FBXO38: variants seen among roughly 807,000 people sequenced by gnomAD.
FBXO38 encodes F-box protein 38, also known as F-box only protein 38.
Under a neutral mutation model 131.9 loss-of-function variants are expected in FBXO38, and 53 were observed. That is an observed-to-expected ratio of 0.40 (90% CI 0.32 to 0.51). The LOEUF is 0.51. FBXO38 is among the 20% of genes least tolerant of loss of function. The pLI, the probability that FBXO38 is intolerant of heterozygous loss-of-function variation, is 0.53. For missense variants in FBXO38, 1,076 were observed against 1,475.6 expected (o/e 0.73, Z 4.44); for synonymous variants, 452 against 505.6 (o/e 0.89, Z 1.42).
chr5:148,418,131 G>A (rs1753170477), intron 12 of FBXO38, among the ~76,000 whole-genome samples: 1 of 152,122 alleles, frequency 6.6e-6, no homozygotes, highest in African/African-American at 2.4e-5. Context: ...ACTAGTGATT[G>A]TCTTACTGAA....
At chr5:148,430,733 T>G (rs1035756729) in intron 15 of FBXO38, 1 of 152,222 alleles carries the variant, frequency 6.6e-6, no homozygotes, top group Non-Finnish European at 1.5e-5. Flanking sequence ...TCAAAAAATG[T>G]AACGTTTGAG....
intron 9 of FBXO38, 144 bp downstream of exon 9, chr5:148,410,909 T>G: frequency 7.2e-6 from 5 of 692,616 alleles, no homozygotes; most frequent in Non-Finnish European, 1.1e-5. Flanking sequence ...AAAATAAACT[T>G]TTAAATTAGA....
intron 15 of FBXO38, 80 bp from the exon 16 acceptor site, chr5:148,433,344 C>A: frequency 1.1e-6 from 1 of 925,168 alleles, no homozygotes; most frequent in Non-Finnish European, 1.7e-6. Flanking sequence ...TGATTATGTT[C>A]ATACGTATGT....
chr5:148,389,007 G>A (rs115045019), intron 1 of FBXO38, among the ~76,000 whole-genome samples: 4,935 of 152,264 alleles, frequency 0.032, 99 homozygotes, highest in South Asian at 0.055. Context: ...CTTAGAGGCC[G>A]TTGTAGAGTT....
intron 12 of FBXO38, among the ~76,000 whole-genome samples, chr5:148,423,565 G>T (rs192568181): frequency 1.8e-3 from 277 of 152,260 alleles, no homozygotes; most frequent in African/African-American, 6.4e-3. Flanking sequence ...TATAGATATT[G>T]CAGGCTAGAG....
At chr5:148,421,856 C>T (rs1753453412) in intron 12 of FBXO38, among the ~76,000 whole-genome samples, 1 of 152,066 alleles carries the variant, frequency 6.6e-6, no homozygotes, top group South Asian at 2.1e-4. Flanking sequence ...CTTCACTAGC[C>T]CAAAGGCACC....
At chr5:148,392,808 G>T (rs1243607662) in intron 1 of FBXO38, among the ~76,000 whole-genome samples, 3 of 152,036 alleles carry the variant, frequency 2.0e-5, no homozygotes, top group Admixed American at 6.6e-5. Flanking sequence ...ATACAAATGG[G>T]TCAGATGGGG....
intron 19 of FBXO38, among the ~76,000 whole-genome samples, chr5:148,440,043 A>G (rs1403518620): frequency 6.6e-6 from 1 of 152,192 alleles, no homozygotes; most frequent in East Asian, 1.9e-4. Context: ...TACTTGTAAC[A>G]TTATTTAGCC....
At chr5:148,394,675 T>G in intron 1 of FBXO38, 39 bp from the exon 2 acceptor site, 1 of 1,044,496 alleles carries the variant, frequency 9.6e-7, no homozygotes, top group Non-Finnish European at 1.3e-6. Context: ...TAGTAGGGGG[T>G]GTGTTTTTTT....
chr5:148,393,091 A>T (rs141160208), intron 1 of FBXO38, among the ~76,000 whole-genome samples: 2 of 152,060 alleles, frequency 1.3e-5, no homozygotes, highest in Non-Finnish European at 2.9e-5. Context: ...GTTAAGACAC[A>T]TGTCACAAAT....
chr5:148,432,513 T>C (rs979346602), intron 15 of FBXO38, among the ~76,000 whole-genome samples: 2 of 152,224 alleles, frequency 1.3e-5, no homozygotes, highest in African/African-American at 4.8e-5. Context: ...CATGCTTCAG[T>C]TTCCTAATAT....
At chr5:148,395,597 C>T (rs977469569) in intron 2 of FBXO38, among the ~76,000 whole-genome samples, 1 of 151,748 alleles carries the variant, frequency 6.6e-6, no homozygotes, top group Admixed American at 6.6e-5. Context: ...AAATTAGAGA[C>T]CTGAGTTTGA....
intron 1 of FBXO38, chr5:148,389,735 A>T (rs1008257066): frequency 5.2e-5 from 8 of 152,398 alleles, no homozygotes; most frequent in African/African-American, 1.9e-4. Context: ...GTGCACATTA[A>T]AAAGGGATAC....
At chr5:148,409,946 A>C (rs562442111) in intron 8 of FBXO38, among the ~76,000 whole-genome samples, 2 of 152,252 alleles carry the variant, frequency 1.3e-5, no homozygotes, top group Non-Finnish European at 2.9e-5. Flanking sequence ...CACCAGATGC[A>C]GATTCTCACA....
In FBXO38 at chr5:148,417,201, G is replaced by A; in HGVS notation, c.1615G>A (p.Asp539Asn). ...LQPGEQQFAA[D>N]ALNEMEDIVQ... ...GCCAGGAGAGCAGCAGTTTGCAGCT[G>A]ACGGTAACCCAGATCTTTTATGAGC... The change falls in exon 12 of 22, where the codon GAC becomes AAC. Residue 539 changes from aspartate to asparagine, a missense_variant. Physicochemically the swap from Asp to Asn is conservative, Grantham distance 23. Transcript: ENST00000340253. 2.5e-6 allele frequency: 4 copies of A among 1,602,556 alleles called. No homozygotes were observed. The highest frequency in any genetic ancestry group is 3.4e-6 in the Non-Finnish European group (4 of 1,169,632).
chr5:148,427,532 G>A lies in FBXO38; in HGVS notation c.2238G>A (p.Val746=), dbSNP rs2113628663. The part of the protein sequence containing the change: ...SSEPSPTEVD[V]SRQCACSPGG... ...AGCCTAGCCCTACAGAAGTGGATGT[G>A]TCCAGGCAGTGTGCCTGCTCCCCCG... Residue 746 remains valine (V), a synonymous_variant, in exon 15 of 22, where the codon GTG becomes GTA. Transcript: ENST00000340253. 1 of 1,614,190 alleles carries A rather than the reference G, an allele frequency of 6.2e-7. No individual in the cohort carries two copies. Among genetic ancestry groups the A allele is most frequent in the East Asian group, 2.2e-5 (1 of 44,872 alleles).
chr5:148,392,519 A>G (rs1349468665), intron 1 of FBXO38, among the ~76,000 whole-genome samples: 9 of 151,934 alleles, frequency 5.9e-5, no homozygotes. Flanking sequence ...AGAGGAAATA[A>G]AGTTCAGAGC....
At chr5:148,396,755 A>G (rs1758503886) in intron 2 of FBXO38, among the ~76,000 whole-genome samples, 2 of 152,076 alleles carry the variant, frequency 1.3e-5, no homozygotes, top group Admixed American at 1.3e-4. Context: ...AGGGGCGCAC[A>G]CCACTGCGCT....
chr5:148,387,488 T>G (rs780790677), intron 1 of FBXO38, among the ~76,000 whole-genome samples: 9 of 152,100 alleles, frequency 5.9e-5, no homozygotes, highest in Non-Finnish European at 1.3e-4. Context: ...ACCACAGAAG[T>G]CTTGAATCCC....
Sources: allele counts gnomAD v4.1 joint callset (sites outside exome capture counted in the v4.1 genomes callset), GRCh38; gene constraint gnomAD v4.1.1; transcripts MANE v1.5; gene names NCBI Gene and HGNC (gene_info 2026-07-23, HGNC 2026-07-21).